COBLL1: variants seen among roughly 807,000 people sequenced by gnomAD.
COBLL1 encodes cordon-bleu WH2 repeat protein like 1.
A neutral mutation model predicts 94.8 loss-of-function variants in COBLL1; 50 were observed. The ratio of observed to expected loss-of-function variants is 0.53; its 90% CI spans 0.42 to 0.67. The LOEUF is 0.67. Among genes scored for constraint, COBLL1 ranks in the 30% least tolerant of loss-of-function variants. COBLL1 has a pLI of 0.00. For synonymous variants in COBLL1, 448 were observed against 473.8 expected (o/e 0.95, Z 0.71); for missense variants, 1,362 against 1,348.7 (o/e 1.01, Z -0.15).
intron 1 of COBLL1, among the ~76,000 whole-genome samples, chr2:164,673,301 A>G (rs944439248): frequency 6.6e-6 from 1 of 152,160 alleles, no homozygotes; most frequent in East Asian, 1.9e-4. Flanking sequence ...CGCAATGGAG[A>G]GGGGGGCATT....
intron 3 of COBLL1, among the ~76,000 whole-genome samples, chr2:164,732,335 T>G (rs1686061859): frequency 6.6e-6 from 1 of 152,194 alleles, no homozygotes; most frequent in African/African-American, 2.4e-5. Context: ...ATTGCCCATG[T>G]TTTGGCTTTA....
chr2:164,815,928 T>A (rs1330498357), intron 2 of COBLL1, among the ~76,000 whole-genome samples: 1 of 151,876 alleles, frequency 6.6e-6, no homozygotes, highest in Non-Finnish European at 1.5e-5. Context: ...ACCATCGAAA[T>A]CCTAATTATG....
intron 3 of COBLL1, among the ~76,000 whole-genome samples, chr2:164,734,820 A>T (rs1299098305): frequency 6.6e-6 from 1 of 152,222 alleles, no homozygotes; most frequent in Non-Finnish European, 1.5e-5. Flanking sequence ...TGATGTGCTT[A>T]CTATAACTCT....
At chr2:164,688,599 T>C (rs1179825517) in intron 13 of COBLL1, among the ~76,000 whole-genome samples, 1 of 152,178 alleles carries the variant, frequency 6.6e-6, no homozygotes, top group Non-Finnish European at 1.5e-5. Flanking sequence ...TTCACATAGC[T>C]TTCTTTTTTC....
chr2:164,710,088 T>C lies in COBLL1; in HGVS notation c.997-4983A>G, dbSNP rs149974128. Among the ~76,000 whole-genome samples, 907 of 152,260 alleles carry C rather than the reference T, an allele frequency of 6.0e-3. 11 individuals carry two copies. Among genetic ancestry groups the C allele is most frequent in the African/African-American group, 0.021 (869 of 41,544 alleles). On this transcript the variant is annotated intron_variant, in intron 7 of 13. Coordinates refer to ENST00000652658, the MANE Select transcript of COBLL1 (RefSeq NM_001365672.2). ...GAGGCAAGAGGTTTTATGAAGACTC[T>C]TGGAAAATAATTTCAATTATTTAAG...
chr2:164,841,207 G>A lies in COBLL1; in HGVS notation c.-11C>T. 1 of 1,231,864 alleles carries A rather than the reference G, an allele frequency of 8.1e-7. No homozygotes were observed. Among genetic ancestry groups the A allele is most frequent in the Non-Finnish European group, 1.0e-6 (1 of 988,794 alleles). The allele number at this position is 1,231,864 out of a possible 1,614,324, so 76.3% of individuals were successfully genotyped here. A position where few individuals can be genotyped will look rare whatever the true frequency, so the allele number is the denominator to read the frequency against. On this transcript the variant is annotated 5_prime_UTR_variant, in exon 2 of 14. Coordinates refer to ENST00000652658, the MANE Select transcript of COBLL1 (RefSeq NM_001365672.2). This position sits in a 1 kb window ranked among gnomAD's most constrained non-coding sequence, Gnocchi z 5.5. ...GGTTCGGCCGTCCATCGCCCTGCGGGGCGCTGCGCGGGCTCCAGCTCCCAG... is the reference window on the plus strand; with the variant it reads ...GGTTCGGCCGTCCATCGCCCTGCGGAGCGCTGCGCGGGCTCCAGCTCCCAG...
chr2:164,799,554 A>T (rs1159805490), intron 2 of COBLL1, among the ~76,000 whole-genome samples: 1 of 152,222 alleles, frequency 6.6e-6, no homozygotes, highest in Non-Finnish European at 1.5e-5. Flanking sequence ...TTTTTAACAC[A>T]ATTCCAGTCA....
intron 5 of COBLL1, among the ~76,000 whole-genome samples, chr2:164,727,476 G>C (rs1029699084): frequency 2.0e-5 from 3 of 151,908 alleles, no homozygotes; most frequent in African/African-American, 7.2e-5. Flanking sequence ...TTTTGAATTA[G>C]ACTGATACAT....
At chr2:164,736,248 T>C (rs1004309371) in intron 3 of COBLL1, among the ~76,000 whole-genome samples, 2 of 152,156 alleles carry the variant, frequency 1.3e-5, no homozygotes, top group African/African-American at 4.8e-5. Flanking sequence ...GCTGCTGATG[T>C]TTATCAATCT....
At chr2:164,675,753 C>A (rs550103752), downstream of COBLL1, among the ~76,000 whole-genome samples, 5 of 152,028 alleles carry the variant, frequency 3.3e-5, no homozygotes, top group South Asian at 2.1e-4. Context: ...TGTTTTATTG[C>A]TTTTCTTTTC....
intron 2 of COBLL1, among the ~76,000 whole-genome samples, chr2:164,771,144 T>C (rs1688181903): frequency 1.3e-5 from 2 of 152,048 alleles, no homozygotes; most frequent in African/African-American, 4.8e-5. Context: ...ACTAATTCTA[T>C]GTCACTGAGA....
intron 2 of COBLL1, among the ~76,000 whole-genome samples, chr2:164,790,337 A>G (rs938977904): frequency 6.6e-6 from 1 of 152,152 alleles, no homozygotes; most frequent in African/African-American, 2.4e-5. Context: ...CTGTTGGGTT[A>G]TGCTCTGGCC....
At chr2:164,796,026 T>C (rs986555307) in intron 2 of COBLL1, among the ~76,000 whole-genome samples, 3 of 152,138 alleles carry the variant, frequency 2.0e-5, no homozygotes, top group Non-Finnish European at 2.9e-5. Flanking sequence ...ACCTACAATA[T>C]GTTCTAGTTG....
chr2:164,790,221 T>A (rs1158000668), intron 2 of COBLL1, among the ~76,000 whole-genome samples: 1 of 152,094 alleles, frequency 6.6e-6, no homozygotes. Flanking sequence ...TCAGGTTCAT[T>A]GGTGTGTCTA....
At chr2:164,798,086 G>T (rs926691990) in intron 2 of COBLL1, among the ~76,000 whole-genome samples, 4 of 152,138 alleles carry the variant, frequency 2.6e-5, no homozygotes, top group African/African-American at 9.7e-5. Context: ...AAAAGAAAAT[G>T]TATTTGCACC....
rs1683574539 is a variant in COBLL1 at position 164,841,038 on chromosome 2, A to G, written c.41+118T>C. On this transcript the variant is annotated intron_variant, in intron 2 of 13. Coordinates refer to ENST00000652658, the MANE Select transcript of COBLL1 (RefSeq NM_001365672.2). This position sits in a 1 kb window ranked among gnomAD's most constrained non-coding sequence, Gnocchi z 5.5. ...CTCCCCGGCCGCGTGGAGGACAGTCAGTGAGTCAGGCCGCCGGCAGGGCAG... is the reference window on the plus strand; with the variant it reads ...CTCCCCGGCCGCGTGGAGGACAGTCGGTGAGTCAGGCCGCCGGCAGGGCAG... The G allele has an allele frequency of 9.2e-7, 1 of 1,082,802 alleles. No individual in the cohort carries two copies. Among genetic ancestry groups the G allele is most frequent in the Non-Finnish European group, 1.2e-6 (1 of 854,338 alleles). The allele number at this position is 1,082,802 out of a possible 1,614,324, so 67.1% of individuals were successfully genotyped here.
At chr2:164,675,479 T>A (rs1034955296), downstream of COBLL1, among the ~76,000 whole-genome samples, 1 of 152,112 alleles carries the variant, frequency 6.6e-6, no homozygotes. Flanking sequence ...TGCAGACAGC[T>A]CATCTAGACA....
rs185035746 is a variant in COBLL1, at chr2:164,712,710, G to T, written c.997-7605C>A. Among the ~76,000 whole-genome samples the T allele has an allele frequency of 4.3e-3, 650 of 151,976 alleles. 5 individuals carry two copies. Among genetic ancestry groups the T allele is most frequent in the African/African-American group, 0.015 (614 of 41,460 alleles). On this transcript the variant is annotated intron_variant, in intron 7 of 13. Coordinates refer to ENST00000652658, the MANE Select transcript of COBLL1 (RefSeq NM_001365672.2). ...ATTACACTATAATAAATGTAATTTA[G>T]AAGAATGAGGTCTTGTATTGAATTT...
chr2:164,828,333 G>A (rs1368602100), intron 2 of COBLL1, among the ~76,000 whole-genome samples: 2 of 152,068 alleles, frequency 1.3e-5, no homozygotes, highest in Non-Finnish European at 2.9e-5. Context: ...TCCTTTTAGG[G>A]TTTCACAACA....
Sources: gnomAD v4.1 joint callset for allele counts (sites outside exome capture counted in the v4.1 genomes callset) on GRCh38, gnomAD v4.1.1 for gene constraint, Gnocchi (gnomAD v3.1) non-coding constraint, MANE v1.5 for transcripts, NCBI Gene and HGNC (gene_info 2026-07-23, HGNC 2026-07-21) for gene names.